Variants in CREB5 observed in about 807,000 individuals in gnomAD.
CREB5 encodes cAMP responsive element binding protein 5, also known as cyclic AMP-responsive element-binding protein 5.
A neutral mutation model predicts 57.1 loss-of-function variants in CREB5; 19 were observed. The ratio of observed to expected loss-of-function variants is 0.33; its 90% CI spans 0.23 to 0.49. CREB5 has a LOEUF of 0.49. CREB5 is among the 20% of genes least tolerant of loss of function. CREB5 has a pLI of 0.99. For missense variants in CREB5, 579 were observed against 671.6 expected, an observed-to-expected ratio of 0.86 and a Z score of 1.52; for synonymous variants, 238 against 238.3, an observed-to-expected ratio of 1.00 and a Z score of 0.01.
intron 1 of CREB5, among the ~76,000 whole-genome samples, chr7:28,323,376 C>T (rs1482737409): frequency 6.6e-6 from 1 of 152,184 alleles, no homozygotes; most frequent in Admixed American, 6.5e-5. Context: ...CTCCTCTTCC[C>T]TTCCTCCGTG....
chr7:28,580,829 C>T (rs1166363282), intron 5 of CREB5, among the ~76,000 whole-genome samples: 4 of 152,116 alleles, frequency 2.6e-5, no homozygotes, highest in Non-Finnish European at 5.9e-5. Context: ...AGTGCTTCAA[C>T]ATGTTTGGAC....
intron 1 of CREB5, among the ~76,000 whole-genome samples, chr7:28,463,015 G>T (rs1790413380): frequency 6.6e-6 from 1 of 151,932 alleles, no homozygotes; most frequent in Non-Finnish European, 1.5e-5. Flanking sequence ...CCAAATCCAA[G>T]ATAAAGATTT....
At chr7:28,799,699 T>C (rs1808255107) in intron 7 of CREB5, among the ~76,000 whole-genome samples, 1 of 152,210 alleles carries the variant, frequency 6.6e-6, no homozygotes. Flanking sequence ...TCAAGGAAAA[T>C]ACATCAAGAT....
chr7:28,378,902 C>T (rs940456314), intron 1 of CREB5, among the ~76,000 whole-genome samples: 2 of 152,188 alleles, frequency 1.3e-5, no homozygotes, highest in African/African-American at 2.4e-5. Context: ...ATGGCATTCC[C>T]CCAATCTTCC....
chr7:28,670,447 G>A (rs1799992156), intron 5 of CREB5, among the ~76,000 whole-genome samples: 3 of 152,178 alleles, frequency 2.0e-5, no homozygotes, highest in Non-Finnish European at 4.4e-5. Context: ...GATTTTAAAT[G>A]TATCTCTCCG....
chr7:28,721,612 C>T (rs1803035907), intron 6 of CREB5, among the ~76,000 whole-genome samples: 2 of 152,158 alleles, frequency 1.3e-5, no homozygotes, highest in African/African-American at 2.4e-5. Flanking sequence ...CTGGACCACA[C>T]ATTTTATGAA....
chr7:28,669,278 A>G (rs1392534318), intron 5 of CREB5, among the ~76,000 whole-genome samples: 1 of 152,374 alleles, frequency 6.6e-6, no homozygotes, highest in African/African-American at 2.4e-5. Context: ...TGATGCTAAA[A>G]TATAGGATGT....
intron 5 of CREB5, among the ~76,000 whole-genome samples, chr7:28,676,323 G>A (rs957798817): frequency 2.0e-5 from 3 of 152,278 alleles, no homozygotes; most frequent in Middle Eastern, 3.4e-3. Context: ...GGGCTTGTGT[G>A]TGTGCTGTCT....
chr7:28,610,643 C>T (rs1033567789), intron 5 of CREB5, among the ~76,000 whole-genome samples: 1 of 152,038 alleles, frequency 6.6e-6, no homozygotes, highest in African/African-American at 2.4e-5. Flanking sequence ...CTGCTAATGG[C>T]CCAGTAACCT....
At chr7:28,526,123 G>A (rs554999783) in intron 4 of CREB5, among the ~76,000 whole-genome samples, 14 of 152,294 alleles carry the variant, frequency 9.2e-5, no homozygotes, top group African/African-American at 2.6e-4. Context: ...ACTGCAGTGA[G>A]CCCAGAGACT....
chr7:28,658,957 A>G (rs867872044), intron 5 of CREB5, among the ~76,000 whole-genome samples: 2,598 of 111,748 alleles, frequency 0.023, 159 homozygotes, highest in African/African-American at 0.11. Context: ...GTGTGTGTAT[A>G]TATATATATA....
chr7:28,303,774 T>C (rs1393590698), intron 1 of CREB5, among the ~76,000 whole-genome samples: 1 of 152,200 alleles, frequency 6.6e-6, no homozygotes, highest in Non-Finnish European at 1.5e-5. Flanking sequence ...CTTAATGTTA[T>C]TGCAGATAAG....
At chr7:28,652,730 T>A (rs1799188560) in intron 5 of CREB5, among the ~76,000 whole-genome samples, 1 of 152,240 alleles carries the variant, frequency 6.6e-6, no homozygotes, top group African/African-American at 2.4e-5. Flanking sequence ...CTCTTACACA[T>A]ATTCACCTGG....
chr7:28,408,865 C>A (rs1442367290), upstream of CREB5, among the ~76,000 whole-genome samples: 1 of 152,152 alleles, frequency 6.6e-6, no homozygotes, highest in African/African-American at 2.4e-5. Flanking sequence ...CAAAAAGGAG[C>A]TGGACATCCT....
intron 1 of CREB5, among the ~76,000 whole-genome samples, chr7:28,401,834 C>T (rs1158850131): frequency 6.6e-6 from 1 of 152,172 alleles, no homozygotes; most frequent in African/African-American, 2.4e-5. Flanking sequence ...GGGTTGGTTC[C>T]AAGTCTTTGC....
chr7:28,462,347 G>A (rs1177617189), intron 1 of CREB5, among the ~76,000 whole-genome samples: 1 of 151,968 alleles, frequency 6.6e-6, no homozygotes, highest in Non-Finnish European at 1.5e-5. Flanking sequence ...CTACTTTTTG[G>A]CTATTACAAA....
At chr7:28,504,225 G>A (rs1160972730) in intron 3 of CREB5, among the ~76,000 whole-genome samples, 3 of 152,124 alleles carry the variant, frequency 2.0e-5, no homozygotes, top group Non-Finnish European at 4.4e-5. Context: ...ATCAACACAC[G>A]AATGCCTTGT....
At chr7:28,711,001 C>T (rs955467685) in intron 5 of CREB5, among the ~76,000 whole-genome samples, 3 of 152,106 alleles carry the variant, frequency 2.0e-5, no homozygotes, top group Admixed American at 1.3e-4. Flanking sequence ...AGACAGATGG[C>T]GCTTCCATGA....
intron 1 of CREB5, among the ~76,000 whole-genome samples, chr7:28,307,136 T>C (rs1785206785): frequency 6.6e-6 from 1 of 152,212 alleles, no homozygotes. Context: ...GCCCCTCCTC[T>C]AATGTCCCTT....
Sources: gnomAD v4.1 joint callset for allele counts (sites outside exome capture counted in the v4.1 genomes callset) on GRCh38, gnomAD v4.1.1 for gene constraint, MANE v1.5 for transcripts, NCBI Gene and HGNC (gene_info 2026-07-23, HGNC 2026-07-21) for gene names.